The following ALK variants were observed in gnomAD, a reference collection of about 807,000 sequenced individuals.
ALK encodes the protein ALK receptor tyrosine kinase.
ALK carries 74 observed loss-of-function variants against 163.1 expected under a neutral mutation model. That is an observed-to-expected ratio of 0.45 (90% CI 0.38 to 0.55). The LOEUF is 0.55. Among genes scored for constraint, ALK ranks in the 20% least tolerant of loss-of-function variants. ALK has a pLI of 0.00. For synonymous variants in ALK, 960 were observed against 843.2 expected (o/e 1.14, Z -2.40); for missense variants, 2,063 against 2,105.3 (o/e 0.98, Z 0.39).
At chr2:29,906,778 ATG>A (rs1166204966) in intron 1 of ALK, among the ~76,000 whole-genome samples, 1 of 152,186 alleles carries the variant, frequency 6.6e-6, no homozygotes, top group Non-Finnish European at 1.5e-5. Context: ...AAAGCAGTCT[ATG>A]TCAAACTGTT....
intron 13 of ALK, among the ~76,000 whole-genome samples, chr2:29,237,465 C>G (rs1664414905): frequency 6.6e-6 from 1 of 152,168 alleles, no homozygotes; most frequent in African/African-American, 2.4e-5. Flanking sequence ...TCTCCTCCAG[C>G]CCGAGTGTTC....
rs78497985 is a variant in ALK, at chr2:29,256,272, G to T, written c.2042-5005C>A. On this transcript the variant is annotated intron_variant, in intron 11 of 28. Coordinates refer to ENST00000389048, the MANE Select transcript of ALK (RefSeq NM_004304.5). ...CCTGGGTAAGGAGTTGGGGTGGGAG[G>T]CTGCACCTCAGGCACCTGAGAGGTA... Among the ~76,000 whole-genome samples, 622 of 152,260 alleles carry T rather than the reference G, an allele frequency of 4.1e-3. 5 individuals carry two copies. Among genetic ancestry groups the T allele is most frequent in the African/African-American group, 0.014 (590 of 41,552 alleles).
intron 1 of ALK, among the ~76,000 whole-genome samples, chr2:29,858,942 AGAATTGCT>A (rs1666213989): frequency 2.0e-5 from 3 of 152,032 alleles, no homozygotes; most frequent in Non-Finnish European, 2.9e-5. Flanking sequence ...CTGAGGCAGG[AGAATTGCT>A]TGAACCGAGG....
intron 4 of ALK, among the ~76,000 whole-genome samples, chr2:29,400,093 G>A (rs1669407462): frequency 1.3e-5 from 2 of 152,274 alleles, no homozygotes; most frequent in African/African-American, 4.8e-5. Context: ...GCCAGGGGCT[G>A]GAGCCCCATG....
At chr2:29,208,924 T>A (rs58428051) in intron 25 of ALK, among the ~76,000 whole-genome samples, 3,133 of 150,304 alleles carry the variant, frequency 0.021, 101 homozygotes, top group African/African-American at 0.068. Context: ...AAAAAAAAAA[T>A]AATTTTTAAA....
At position 29,227,110 on chromosome 2, in the gene ALK, G is replaced by A. The variant is rs775161572; in HGVS notation, c.2915-36C>T. The stretch of plus-strand genomic sequence containing the variant: ...GGAGGGAGGGTCAGTCTTGGGCCGA[G>A]CCTGCCTCCCCACTCCCAGCCTCAG... On this transcript the variant is annotated intron_variant, in intron 17 of 28. Transcript: ENST00000389048. This position sits in a 1 kb window ranked among gnomAD's most constrained non-coding sequence, Gnocchi z 4.4. The A allele has an allele frequency of 1.2e-6, 2 of 1,613,864 alleles. No homozygotes were observed. Among genetic ancestry groups the A allele is most frequent in the South Asian group, 1.1e-5 (1 of 91,044 alleles).
chr2:29,391,730 C>T (rs745493085), intron 4 of ALK, among the ~76,000 whole-genome samples: 2 of 152,044 alleles, frequency 1.3e-5, no homozygotes, highest in African/African-American at 4.8e-5. Flanking sequence ...TTCCTTCTTT[C>T]AAGAGAAATA....
intron 4 of ALK, among the ~76,000 whole-genome samples, chr2:29,434,908 T>C (rs1432289749): frequency 6.6e-6 from 1 of 152,208 alleles, no homozygotes; most frequent in Non-Finnish European, 1.5e-5. Context: ...CTGGAAGGAA[T>C]AATAGAAATC....
chr2:29,354,966 C>A (rs1668212135), intron 5 of ALK, among the ~76,000 whole-genome samples: 1 of 152,206 alleles, frequency 6.6e-6, no homozygotes, highest in Admixed American at 6.5e-5. Flanking sequence ...CGGGGTTTCA[C>A]TGTGTTAGCC....
At chr2:29,625,562 CAT>C (rs1445742483) in intron 3 of ALK, among the ~76,000 whole-genome samples, 1 of 152,126 alleles carries the variant, frequency 6.6e-6, no homozygotes, top group East Asian at 1.9e-4. Flanking sequence ...GTAGTGTAGA[CAT>C]GTGTCCCTTA....
intron 1 of ALK, among the ~76,000 whole-genome samples, chr2:29,919,412 G>A (rs1667923753): frequency 6.7e-6 from 1 of 150,284 alleles, no homozygotes; most frequent in South Asian, 2.1e-4. Flanking sequence ...TGAGTCGAGA[G>A]TGCATAGCAG....
At chr2:29,235,976 G>A (rs1214337831) in intron 13 of ALK, among the ~76,000 whole-genome samples, 6 of 148,438 alleles carry the variant, frequency 4.0e-5, no homozygotes, top group Non-Finnish European at 8.9e-5. Context: ...CTGAGTAGCT[G>A]GGAGTACAGG....
chr2:29,210,488 A>T (rs1400827767), intron 24 of ALK, among the ~76,000 whole-genome samples: 1 of 152,172 alleles, frequency 6.6e-6, no homozygotes, highest in South Asian at 2.1e-4. Flanking sequence ...GCTGGAGTGC[A>T]GTGGTGCGAT....
At chr2:29,548,115 G>A (rs1233167071) in intron 3 of ALK, among the ~76,000 whole-genome samples, 1 of 152,104 alleles carries the variant, frequency 6.6e-6, no homozygotes, top group Non-Finnish European at 1.5e-5. Flanking sequence ...ATAATGCCTG[G>A]AGGTGTGGCA....
intron 3 of ALK, among the ~76,000 whole-genome samples, chr2:29,667,684 G>C (rs1202726350): frequency 1.3e-5 from 2 of 151,924 alleles, no homozygotes; most frequent in East Asian, 3.9e-4. Flanking sequence ...TGTTGAATTA[G>C]ATTTGCCTAT....
chr2:29,522,822 A>G (rs1672851213), intron 4 of ALK, among the ~76,000 whole-genome samples: 1 of 152,182 alleles, frequency 6.6e-6, no homozygotes, highest in Admixed American at 6.5e-5. Flanking sequence ...GCTGGTGTAA[A>G]AAATAGTTGT....
At chr2:29,486,388 T>C (rs1049621683) in intron 4 of ALK, among the ~76,000 whole-genome samples, 5 of 152,198 alleles carry the variant, frequency 3.3e-5, no homozygotes, top group Non-Finnish European at 5.9e-5. Context: ...TGGTATGAAA[T>C]GAGTGCTTCA....
chr2:29,651,029 G>A (rs1452539119), intron 3 of ALK, among the ~76,000 whole-genome samples: 1 of 152,140 alleles, frequency 6.6e-6, no homozygotes, highest in African/African-American at 2.4e-5. Flanking sequence ...CAACAGTGGT[G>A]TGGGATGTTC....
In ALK at chr2:29,873,247, G is replaced by T. The variant is rs144766065; in HGVS notation, c.667+46746C>A. ...ATTAATGATAAAAAGTCTAGAATTTGGTGGCTTGATTTCAGATGCCTCTTC... is the reference window on the plus strand; with the variant it reads ...ATTAATGATAAAAAGTCTAGAATTTTGTGGCTTGATTTCAGATGCCTCTTC... On this transcript the variant is annotated intron_variant, in intron 1 of 28. Coordinates refer to ENST00000389048, the MANE Select transcript of ALK (RefSeq NM_004304.5). Among the ~76,000 whole-genome samples, 1,474 of 152,306 alleles carry T rather than the reference G, an allele frequency of 9.7e-3. 26 individuals carry two copies. The highest frequency in any genetic ancestry group is 0.034 in the African/African-American group (1,414 of 41,558).
Sources: gnomAD v4.1 joint callset for allele counts (sites outside exome capture counted in the v4.1 genomes callset) on GRCh38, gnomAD v4.1.1 for gene constraint, Gnocchi (gnomAD v3.1) non-coding constraint, MANE v1.5 for transcripts, NCBI Gene and HGNC (gene_info 2026-07-23, HGNC 2026-07-21) for gene names.